WDTC1: variants seen among roughly 807,000 people sequenced by gnomAD.
WDTC1 encodes the protein WD and tetratricopeptide repeats 1, also known as WD and tetratricopeptide repeats protein 1.
WDTC1 carries 12 observed loss-of-function variants against 76.0 expected under a neutral mutation model. The ratio of observed to expected loss-of-function variants is 0.16; its 90% CI spans 0.10 to 0.26. The LOEUF is 0.26. WDTC1 is among the 10% of genes least tolerant of loss of function. The pLI, the probability that WDTC1 is intolerant of heterozygous loss-of-function variation, is 1.00. For missense variants in WDTC1, 511 were observed against 908.8 expected, an observed-to-expected ratio of 0.56 and a Z score of 5.63; for synonymous variants, 326 against 350.8, an observed-to-expected ratio of 0.93 and a Z score of 0.79.
chr1:27,242,799 T>C, intron 1 of WDTC1, among the ~76,000 whole-genome samples: 1 of 152,106 alleles, frequency 6.6e-6, no homozygotes. Context: ...CAAACAGCAA[T>C]ACGGAGCCCA....
intron 3 of WDTC1, among the ~76,000 whole-genome samples, chr1:27,278,947 C>T (rs2013112201): frequency 6.6e-6 from 1 of 152,130 alleles, no homozygotes; most frequent in African/African-American, 2.4e-5. Flanking sequence ...CTTCGAACCC[C>T]AGCTACTTGA....
intron 14 of WDTC1, chr1:27,304,655 G>A: frequency 5.3e-6 from 1 of 187,462 alleles, no homozygotes; most frequent in Non-Finnish European, 1.1e-5. Flanking sequence ...GAGGGGCAGG[G>A]GGAGTCTGGA....
At chr1:27,298,133 G>T in intron 12 of WDTC1, 22 bp downstream of exon 12, 1 of 1,563,886 alleles carries the variant, frequency 6.4e-7, no homozygotes. Flanking sequence ...CTGCAGAGGG[G>T]ATCTGGGTCA....
chr1:27,265,147 C>T lies in WDTC1; in HGVS notation c.132+1912C>T, dbSNP rs147230132. On this transcript the variant is annotated intron_variant, in intron 3 of 15. Coordinates refer to ENST00000319394, the MANE Select transcript of WDTC1 (RefSeq NM_001276252.2). The stretch of plus-strand genomic sequence containing the variant: ...GAAATTAGTACTTGTTGAGTTTTGG[C>T]ATAGTATCAAAGAAAGATATACACA... Among the ~76,000 whole-genome samples the T allele has an allele frequency of 4.2e-3, 646 of 152,160 alleles. 3 individuals carry two copies. The highest frequency in any genetic ancestry group is 6.1e-3 in the Admixed American group (93 of 15,266).
chr1:27,258,350 T>C (rs1331585279), intron 1 of WDTC1, among the ~76,000 whole-genome samples: 1 of 151,334 alleles, frequency 6.6e-6, no homozygotes, highest in African/African-American at 2.4e-5. Context: ...CTGGTCAACA[T>C]AGTGAAACCC....
intron 3 of WDTC1, among the ~76,000 whole-genome samples, chr1:27,268,226 A>G (rs1557490026): frequency 1.3e-5 from 2 of 152,056 alleles, no homozygotes; most frequent in Admixed American, 6.6e-5. Context: ...GGATCACTTG[A>G]GCTCAGGAGT....
At chr1:27,234,466 C>T (rs2011440680), upstream of WDTC1, 2 of 285,332 alleles carry the variant, frequency 7.0e-6, no homozygotes, top group African/African-American at 4.4e-5. Context: ...CCCCCACTAG[C>T]AGGTTAGTGG....
Position 27,306,065 on chromosome 1 carries a change from T to TA in WDTC1, c.1837-120dup. The TA allele has an allele frequency of 9.1e-7, 1 of 1,099,044 alleles. No homozygotes were observed. Among genetic ancestry groups the TA allele is most frequent in the Non-Finnish European group, 1.3e-6 (1 of 757,986 alleles). The allele number at this position is 1,099,044 out of a possible 1,614,324, so 68.1% of individuals were successfully genotyped here. On this transcript the variant is annotated intron_variant, in intron 15 of 15. Coordinates refer to ENST00000319394, the MANE Select transcript of WDTC1 (RefSeq NM_001276252.2). The surrounding 1 kb of genome is among the most constrained non-coding windows in gnomAD (Gnocchi z 5.0). Reference sequence around the variant, plus strand: ...TCCACCATATACACCTCCTGGCATGTATGTGTACCTCCCCCTATAGATAGT... The same window carrying TA: ...TCCACCATATACACCTCCTGGCATGTAATGTGTACCTCCCCCTATAGATAGT...
intron 1 of WDTC1, among the ~76,000 whole-genome samples, chr1:27,240,991 A>G (rs2011615513): frequency 6.6e-6 from 1 of 151,858 alleles, no homozygotes; most frequent in African/African-American, 2.4e-5. Flanking sequence ...AAAACAAAAA[A>G]ACTTTAAGCC....
chr1:27,242,406 T>C (rs2147901214), intron 1 of WDTC1, among the ~76,000 whole-genome samples: 1 of 152,204 alleles, frequency 6.6e-6, no homozygotes, highest in South Asian at 2.1e-4. Context: ...GAGTTCAAAG[T>C]TGCAGTAAAC....
chr1:27,299,447 C>CT (rs775027365), intron 12 of WDTC1, among the ~76,000 whole-genome samples: 4 of 151,024 alleles, frequency 2.6e-5, no homozygotes, highest in Non-Finnish European at 5.9e-5. Context: ...TCTGAATGGG[C>CT]TTTAAGTGTA....
Position 27,274,220 on chromosome 1 carries a change from G to A in WDTC1, c.133-8019G>A, listed in dbSNP as rs2147949939. 6.6e-6 allele frequency among the ~76,000 whole-genome samples: 1 copy of A among 152,244 alleles called. No homozygotes were observed. Among genetic ancestry groups the A allele is most frequent in the South Asian group, 2.1e-4 (1 of 4,820 alleles). ...ATGGGAGGATTGCTTGAGCCTAGGA[G>A]GTTGAGGCTGCAGTGAGCCATGATC... On this transcript the variant is annotated intron_variant, in intron 3 of 15. Transcript: ENST00000319394. This position sits in a 1 kb window ranked among gnomAD's most constrained non-coding sequence, Gnocchi z 4.2.
At chr1:27,257,320 T>C (rs1324595320) in intron 1 of WDTC1, among the ~76,000 whole-genome samples, 1 of 152,032 alleles carries the variant, frequency 6.6e-6, no homozygotes, top group African/African-American at 2.4e-5. Flanking sequence ...ACCCCGTCAG[T>C]GTTTGTTCCA....
chr1:27,303,675 G>T lies in WDTC1; in HGVS notation c.1523G>T (p.Arg508Leu). 1.2e-6 allele frequency: 2 copies of T among 1,612,730 alleles called. No individual in the cohort carries two copies. Among genetic ancestry groups the T allele is most frequent in the Non-Finnish European group, 1.7e-6 (2 of 1,179,454 alleles). ...CCAGTCCGCCTCCGCAGCACGAGCC[G>T]CAAGGACTCCATCTCAGAGGATGAA... ...GAPVRLRSTSRKDSISEDEMV... is the reference protein window; with the variant it reads ...GAPVRLRSTSLKDSISEDEMV... Residue 508 changes from arginine to leucine, a missense_variant, in exon 14 of 16, where the codon CGC becomes CTC. Transcript: ENST00000319394. This position sits in a 1 kb window ranked among gnomAD's most constrained non-coding sequence, Gnocchi z 4.8.
At chr1:27,252,371 TAAAA>T (rs988255172) in intron 1 of WDTC1, among the ~76,000 whole-genome samples, 2 of 151,878 alleles carry the variant, frequency 1.3e-5, no homozygotes, top group Non-Finnish European at 2.9e-5. Context: ...AAAATAAAAT[TAAAA>T]AACCTTTGTC....
intron 11 of WDTC1, 44 bp from the exon 12 acceptor site, chr1:27,297,894 T>C: frequency 6.4e-7 from 1 of 1,555,856 alleles, no homozygotes; most frequent in Admixed American, 1.9e-5. Context: ...GGGGCTGCTC[T>C]GACCTTCTTT....
intron 1 of WDTC1, among the ~76,000 whole-genome samples, chr1:27,250,947 A>G (rs1048592928): frequency 2.8e-5 from 4 of 145,158 alleles, no homozygotes; most frequent in African/African-American, 1.0e-4. Context: ...GCTCAATGCA[A>G]CCTCTGCCTC....
chr1:27,288,541 TG>T (rs2013412049), intron 6 of WDTC1, among the ~76,000 whole-genome samples: 1 of 151,142 alleles, frequency 6.6e-6, no homozygotes, highest in Non-Finnish European at 1.5e-5. Context: ...GATTAGGGAG[TG>T]GTGATGACTC....
intron 1 of WDTC1, among the ~76,000 whole-genome samples, chr1:27,253,240 C>A (rs963270894): frequency 4.6e-5 from 7 of 152,018 alleles, no homozygotes; most frequent in African/African-American, 1.7e-4. Context: ...GATCTCCTGA[C>A]CTTGGCCTCC....
Sources: gnomAD v4.1 joint callset for allele counts (sites outside exome capture counted in the v4.1 genomes callset) on GRCh38, gnomAD v4.1.1 for gene constraint, Gnocchi (gnomAD v3.1) non-coding constraint, MANE v1.5 for transcripts, NCBI Gene and HGNC (gene_info 2026-07-23, HGNC 2026-07-21) for gene names.